The following N4BP2L2 variants were observed in gnomAD, a reference collection of about 807,000 sequenced individuals.
N4BP2L2 encodes the protein NEDD4-binding protein 2-like 2.
In N4BP2L2, 50 loss-of-function variants were observed where a neutral mutation model predicts 56.2. The observed-to-expected ratio is 0.89, with a 90% confidence interval of 0.71 to 1.13. N4BP2L2 has a LOEUF of 1.13. Ranked by LOEUF, N4BP2L2 falls within the 50% of genes most tolerant of loss-of-function variation. N4BP2L2 has a pLI of 0.00. For synonymous variants in N4BP2L2, 203 were observed against 223.6 expected (o/e 0.91, Z 0.82); for missense variants, 689 against 693.8 (o/e 0.99, Z 0.08).
At chr13:32,458,365 A>T (rs111448616) in intron 6 of N4BP2L2, among the ~76,000 whole-genome samples, 82 of 152,146 alleles carry the variant, frequency 5.4e-4, no homozygotes, top group Non-Finnish European at 1.0e-3. Flanking sequence ...GTGCCCGGCC[A>T]AATTGATTTT....
intron 6 of N4BP2L2, among the ~76,000 whole-genome samples, chr13:32,448,421 C>A (rs60160878): frequency 0.057 from 8,713 of 152,044 alleles, 846 homozygotes; most frequent in African/African-American, 0.2. Flanking sequence ...GAGGAAATCA[C>A]AAGAGTTAGA....
rs1285258585 is a variant in N4BP2L2, at chr13:32,442,011, G to C, written c.2104+377C>G. On this transcript the variant is annotated intron_variant, in intron 7 of 9. Coordinates refer to the N4BP2L2 transcript ENST00000357505. The stretch of plus-strand genomic sequence containing the variant: ...GAATGGCGTGAACCCGGGAGGCGGA[G>C]CTTGCAGTGAGCCGAGATCACGCCA... Among the ~76,000 whole-genome samples the C allele has an allele frequency of 6.6e-5, 10 of 152,356 alleles. No homozygotes were observed. The East Asian group carries it at 1.9e-3, about 29-fold the overall frequency.
chr13:32,451,136 C>T (rs1019121758), intron 6 of N4BP2L2, among the ~76,000 whole-genome samples: 2 of 151,942 alleles, frequency 1.3e-5, no homozygotes, highest in East Asian at 1.9e-4. Flanking sequence ...GAATAAACTT[C>T]GAAAAAGTAG....
chr13:32,515,239 T>C (rs1376170317), exon 6 of N4BP2L2: 1 of 152,044 alleles, frequency 6.6e-6, no homozygotes, highest in Non-Finnish European at 1.5e-5. Flanking sequence ...CAAGACCAGT[T>C]TGGGAAACAA....
In N4BP2L2 at chr13:32,477,749, G is replaced by GCT. The variant is rs1268354770; in HGVS notation, c.366-33624_366-33623insAG. On this transcript the variant is annotated intron_variant, in intron 6 of 9. Coordinates refer to the N4BP2L2 transcript ENST00000357505. ...AGCTTAGATGGAACCTTGAGCCTAA[G>GCT]TGGTAAAAGCTCTGTTCCAATTGGG... 1.4e-5 allele frequency: 8 copies of GCT among 587,814 alleles called. No homozygotes were observed. In the African/African-American group the frequency reaches 1.6e-4, roughly 11 times the overall value. The allele number at this position is 587,814 out of a possible 1,614,324, so 36.4% of individuals were successfully genotyped here.
intron 6 of N4BP2L2, among the ~76,000 whole-genome samples, chr13:32,482,890 C>A (rs564385207): frequency 6.6e-6 from 1 of 152,106 alleles, no homozygotes; most frequent in African/African-American, 2.4e-5. Flanking sequence ...ACAATATTAC[C>A]TTTTGCATTG....
exon 6 of N4BP2L2, chr13:32,517,750 A>G: frequency 6.3e-7 from 1 of 1,598,264 alleles, no homozygotes; most frequent in East Asian, 2.2e-5. Flanking sequence ...AGACAGGCTC[A>G]CTAACTCTTT....
intron 5 of N4BP2L2, among the ~76,000 whole-genome samples, chr13:32,519,283 T>C (rs1017084849): frequency 6.7e-6 from 1 of 148,694 alleles, no homozygotes; most frequent in Non-Finnish European, 1.5e-5. Flanking sequence ...ATGGTGGTGG[T>C]GCACACTTGT....
chr13:32,492,319 G>A (rs1261177007), intron 6 of N4BP2L2, among the ~76,000 whole-genome samples: 3 of 102,290 alleles, frequency 2.9e-5, no homozygotes, highest in African/African-American at 1.2e-4. Context: ...GTCTCGCTTT[G>A]TCGGCGAGGC....
At chr13:32,443,642 T>A in exon 7 of N4BP2L2, 7 of 1,611,688 alleles carry the variant, frequency 4.3e-6, no homozygotes, top group Non-Finnish European at 5.1e-6. Context: ...CTATTTCTAA[T>A]ATGCTTTTCT....
intron 6 of N4BP2L2, among the ~76,000 whole-genome samples, chr13:32,464,900 A>G (rs551295237): frequency 6.6e-6 from 1 of 152,326 alleles, no homozygotes; most frequent in South Asian, 2.1e-4. Context: ...ATAAAATTTC[A>G]TGTCTGCCAG....
exon 1 of N4BP2L2, chr13:32,538,761 G>A: frequency 3.0e-6 from 3 of 985,386 alleles, no homozygotes; most frequent in South Asian, 9.4e-5. Context: ...TCTCAGAATC[G>A]CGGTAACAAA....
At chr13:32,461,737 G>A (rs2080119329) in intron 6 of N4BP2L2, among the ~76,000 whole-genome samples, 1 of 152,062 alleles carries the variant, frequency 6.6e-6, no homozygotes, top group African/African-American at 2.4e-5. Flanking sequence ...TGAGAAGCTA[G>A]GACTACAGGT....
chr13:32,490,216 T>C (rs938218377), intron 6 of N4BP2L2: 3 of 152,244 alleles, frequency 2.0e-5, no homozygotes, highest in South Asian at 2.1e-4. Flanking sequence ...TACTATTACA[T>C]AGGACAGTGC....
At chr13:32,455,502 C>A (rs539672481) in intron 6 of N4BP2L2, among the ~76,000 whole-genome samples, 3 of 152,312 alleles carry the variant, frequency 2.0e-5, no homozygotes, top group African/African-American at 7.2e-5. Context: ...AGGCAGTAAT[C>A]CCGCCCTCTT....
exon 7 of N4BP2L2, chr13:32,444,048 C>T (rs2076675911): frequency 6.3e-7 from 1 of 1,597,230 alleles, no homozygotes; most frequent in Non-Finnish European, 8.5e-7. Context: ...TCTGACTGTT[C>T]TGCTTTTTGT....
At chr13:32,465,129 G>A (rs2080994060) in intron 6 of N4BP2L2, among the ~76,000 whole-genome samples, 1 of 152,060 alleles carries the variant, frequency 6.6e-6, no homozygotes, top group Admixed American at 6.6e-5. Flanking sequence ...ACCACGCCCA[G>A]CTAATTTTTG....
chr13:32,522,147 TA>T (rs760585175), intron 4 of N4BP2L2, 34 bp downstream of exon 4: 1 of 1,368,916 alleles, frequency 7.3e-7, no homozygotes, highest in Admixed American at 2.2e-5. Flanking sequence ...TTGACAAGAA[TA>T]AAAAATAAAA....
chr13:32,451,266 C>T (rs1198886484), intron 6 of N4BP2L2, among the ~76,000 whole-genome samples: 2 of 150,556 alleles, frequency 1.3e-5, no homozygotes, highest in Non-Finnish European at 3.0e-5. Flanking sequence ...AGATTCTGTC[C>T]GTATTTAAAA....
Sources: allele counts gnomAD v4.1 joint callset (sites outside exome capture counted in the v4.1 genomes callset), GRCh38; gene constraint gnomAD v4.1.1; transcripts MANE v1.5; gene names NCBI Gene and HGNC (gene_info 2026-07-23, HGNC 2026-07-21).